The following FANCL variants were observed in gnomAD, a reference collection of about 807,000 sequenced individuals.
The protein encoded by FANCL is E3 ubiquitin-protein ligase FANCL.
In FANCL, 69 loss-of-function variants were observed where a neutral mutation model predicts 59.4. The ratio of observed to expected loss-of-function variants is 1.16; its 90% CI spans 0.96 to 1.42. The LOEUF (loss-of-function observed/expected upper bound fraction) is 1.42, where lower values mean the gene tolerates loss of function less well. Ranked by LOEUF, FANCL falls within the 40% of genes most tolerant of loss-of-function variation. The pLI, the probability that FANCL is intolerant of heterozygous loss-of-function variation, is 0.00. For missense variants in FANCL, 519 were observed against 447.2 expected, an observed-to-expected ratio of 1.16 and a Z score of -1.45; for synonymous variants, 180 against 147.1, an observed-to-expected ratio of 1.22 and a Z score of -1.62.
intron 6 of FANCL, among the ~76,000 whole-genome samples, chr2:58,203,163 G>A (rs192674486): frequency 1.2e-4 from 18 of 151,604 alleles, no homozygotes; most frequent in Non-Finnish European, 2.4e-4. Flanking sequence ...ATCACATATG[G>A]ATCTTAAAAT....
At chr2:58,224,038 G>C (rs955687857) in intron 4 of FANCL, among the ~76,000 whole-genome samples, 2 of 151,630 alleles carry the variant, frequency 1.3e-5, no homozygotes, top group African/African-American at 4.8e-5. Flanking sequence ...CTAAAATACA[G>C]GATTTCATTT....
chr2:58,191,879 C>T (rs887278576), intron 7 of FANCL, among the ~76,000 whole-genome samples: 2 of 151,842 alleles, frequency 1.3e-5, no homozygotes, highest in Non-Finnish European at 2.9e-5. Flanking sequence ...TACAACACCC[C>T]AATTTGTTCT....
intron 4 of FANCL, among the ~76,000 whole-genome samples, chr2:58,222,538 G>A (rs1348215857): frequency 6.6e-6 from 1 of 151,862 alleles, no homozygotes; most frequent in Non-Finnish European, 1.5e-5. Context: ...TTTTTTCACT[G>A]ACTTATACTC....
chr2:58,192,331 T>G (rs1350468037), intron 7 of FANCL, among the ~76,000 whole-genome samples: 2 of 151,930 alleles, frequency 1.3e-5, no homozygotes, highest in South Asian at 2.1e-4. Flanking sequence ...TAAGTGAGAT[T>G]CAAAGTCATA....
At chr2:58,180,883 A>G (rs982401701) in intron 7 of FANCL, among the ~76,000 whole-genome samples, 3 of 152,002 alleles carry the variant, frequency 2.0e-5, no homozygotes, top group Non-Finnish European at 2.9e-5. Flanking sequence ...AAAAAAAGTG[A>G]GAGTACTAAT....
intron 7 of FANCL, among the ~76,000 whole-genome samples, chr2:58,178,217 C>T (rs1687559003): frequency 6.6e-6 from 1 of 152,018 alleles, no homozygotes; most frequent in African/African-American, 2.4e-5. Context: ...AAAATGACTC[C>T]TCCCTAACTC....
intron 7 of FANCL, among the ~76,000 whole-genome samples, chr2:58,168,019 T>C (rs1172208082): frequency 6.6e-6 from 1 of 152,200 alleles, no homozygotes; most frequent in African/African-American, 2.4e-5. Context: ...TGGAATTAAA[T>C]ACTTTATATA....
intron 7 of FANCL, among the ~76,000 whole-genome samples, chr2:58,192,061 T>A (rs565827393): frequency 4.0e-5 from 6 of 151,876 alleles, no homozygotes; most frequent in Non-Finnish European, 5.9e-5. Context: ...ACTGTGAAGG[T>A]CTATAGTAAA....
chr2:58,168,826 C>A (rs1159069984), intron 7 of FANCL, among the ~76,000 whole-genome samples: 2 of 152,106 alleles, frequency 1.3e-5, no homozygotes, highest in South Asian at 2.1e-4. Context: ...GTATACAATG[C>A]CACGAGGAAG....
intron 5 of FANCL, among the ~76,000 whole-genome samples, chr2:58,217,157 T>A (rs373253571): frequency 0.02 from 1,282 of 63,240 alleles, 49 homozygotes; most frequent in African/African-American, 0.048. Flanking sequence ...ATATATATAT[T>A]TATATATTTT....
intron 1 of FANCL, among the ~76,000 whole-genome samples, chr2:58,236,196 A>C (rs753914335): frequency 3.9e-5 from 6 of 152,024 alleles, no homozygotes; most frequent in Non-Finnish European, 7.4e-5. Context: ...AACACACATC[A>C]AAGTGACTGA....
chr2:58,161,333 C>A (rs1257586348), intron 12 of FANCL, among the ~76,000 whole-genome samples, 189 bp downstream of exon 12: 1 of 151,826 alleles, frequency 6.6e-6, no homozygotes, highest in African/African-American at 2.4e-5. Context: ...GAACATTTCT[C>A]CACTCATTAG....
chr2:58,216,506 C>G (rs1389116486), intron 5 of FANCL, among the ~76,000 whole-genome samples: 1 of 151,990 alleles, frequency 6.6e-6, no homozygotes, highest in Admixed American at 6.6e-5. Flanking sequence ...TCTCCTTTCA[C>G]CAGTTCTTTT....
chr2:58,227,290 G>C (rs902371819), intron 3 of FANCL, among the ~76,000 whole-genome samples: 3 of 152,178 alleles, frequency 2.0e-5, no homozygotes, highest in Admixed American at 1.3e-4. Context: ...GCTTGTGTTA[G>C]TCAGCTCAAT....
At chr2:58,175,438 G>A (rs559974919) in intron 7 of FANCL, among the ~76,000 whole-genome samples, 2 of 151,438 alleles carry the variant, frequency 1.3e-5, no homozygotes, top group East Asian at 3.9e-4. Flanking sequence ...TATCCACCAT[G>A]ATCAAGTGGG....
chr2:58,236,089 TG>T (rs1305536245), intron 1 of FANCL, among the ~76,000 whole-genome samples: 1 of 149,064 alleles, frequency 6.7e-6, no homozygotes, highest in Non-Finnish European at 1.5e-5. Flanking sequence ...TAATGGCAGA[TG>T]TTTTTTCCAA....
intron 6 of FANCL, among the ~76,000 whole-genome samples, chr2:58,202,065 T>C (rs1690086413): frequency 6.6e-6 from 1 of 151,706 alleles, no homozygotes; most frequent in Non-Finnish European, 1.5e-5. Flanking sequence ...ATTAGTGTAG[T>C]TGACTGACAA....
rs866227401 is a variant in FANCL at position 58,159,523 on chromosome 2, T to C, written c.*242A>G. On this transcript the variant is annotated 3_prime_UTR_variant, in exon 14 of 14. Coordinates refer to ENST00000233741, the MANE Select transcript of FANCL (RefSeq NM_018062.4). ...GTCAAGATCTCCATCTTGGTATAAA[T>C]ACACTTCCACAGTCAGCACGGGGAT... is the stretch of plus-strand genomic sequence containing the variant. The C allele has an allele frequency of 2.5e-6, 4 of 1,613,688 alleles. No individual in the cohort carries two copies. The highest frequency in any genetic ancestry group is 3.3e-5 in the Admixed American group (2 of 59,958).
chr2:58,207,314 T>A (rs1326153834), intron 5 of FANCL, among the ~76,000 whole-genome samples: 2 of 152,180 alleles, frequency 1.3e-5, no homozygotes, highest in Non-Finnish European at 2.9e-5. Flanking sequence ...GTATGACATA[T>A]CTGCACTGTT....
Sources: allele counts gnomAD v4.1 joint callset (sites outside exome capture counted in the v4.1 genomes callset), GRCh38; gene constraint gnomAD v4.1.1; transcripts MANE v1.5; gene names NCBI Gene and HGNC (gene_info 2026-07-23, HGNC 2026-07-21).